The following RABGAP1 variants were observed in gnomAD, a reference collection of about 807,000 sequenced individuals.
RABGAP1 encodes RAB GTPase activating protein 1, also known as rab GTPase-activating protein 1.
RABGAP1 carries 23 observed loss-of-function variants against 137.6 expected under a neutral mutation model. The ratio of observed to expected loss-of-function variants is 0.17; its 90% CI spans 0.12 to 0.24. The LOEUF (loss-of-function observed/expected upper bound fraction) is 0.24, where lower values mean the gene tolerates loss of function less well. Among genes scored for constraint, RABGAP1 ranks in the 10% least tolerant of loss-of-function variants. RABGAP1 has a pLI of 1.00. For synonymous variants in RABGAP1, 451 were observed against 450.7 expected (o/e 1.00, Z -0.01); for missense variants, 906 against 1,275.8 (o/e 0.71, Z 4.42).
At chr9:122,963,933 T>C (rs1383877981) in intron 2 of RABGAP1, among the ~76,000 whole-genome samples, 1 of 152,164 alleles carries the variant, frequency 6.6e-6, no homozygotes, top group African/African-American at 2.4e-5. Context: ...CTGCTGATAA[T>C]ACGTAGAATT....
At chr9:123,057,158 C>T (rs1305823209) in intron 13 of RABGAP1, among the ~76,000 whole-genome samples, 2 of 150,700 alleles carry the variant, frequency 1.3e-5, no homozygotes, top group South Asian at 2.1e-4. Context: ...GGGGGCTGAC[C>T]CCCACCTCCC....
rs925343129 is a variant in RABGAP1, at chr9:123,073,407, C to T, written c.1984-145C>T. On this transcript the variant is annotated intron_variant, in intron 15 of 25. Transcript: ENST00000373647. ...AGTGAATAAATGTTTTAAACACAAC[C>T]TTAGGCCTGAGTTTCTGCATAGCAC... The T allele has an allele frequency of 9.2e-6, 9 of 975,856 alleles. No individual in the cohort carries two copies. In the African/African-American group the frequency reaches 1.5e-4, roughly 16 times the overall value. The allele number at this position is 975,856 out of a possible 1,614,324, so 60.4% of individuals were successfully genotyped here.
At chr9:122,998,900 T>A in intron 10 of RABGAP1, 134 bp downstream of exon 10, 1 of 518,778 alleles carries the variant, frequency 1.9e-6, no homozygotes. Flanking sequence ...ATTATATTTT[T>A]CATATTTACC....
chr9:123,102,858 C>T (rs1172101983), intron 25 of RABGAP1, among the ~76,000 whole-genome samples: 3 of 152,208 alleles, frequency 2.0e-5, no homozygotes, highest in Admixed American at 6.5e-5. Flanking sequence ...AAGAGGGAGA[C>T]ATAGCAAGTA....
chr9:123,101,779 C>G lies in RABGAP1; in HGVS notation c.3087+16C>G, dbSNP rs2035352844. On this transcript the variant is annotated intron_variant, in intron 25 of 25. Coordinates refer to ENST00000373647, the MANE Select transcript of RABGAP1 (RefSeq NM_012197.4). ...TAAGATACAGGTAACAGCAGCAGAG[C>G]TCAGACATGTGCCTGCGGGCTGGGT... is the stretch of plus-strand genomic sequence containing the variant. 1 of 1,568,898 alleles carries G rather than the reference C, an allele frequency of 6.4e-7. No individual in the cohort carries two copies. The highest frequency in any genetic ancestry group is 8.6e-7 in the Non-Finnish European group (1 of 1,158,190).
chr9:123,015,516 C>T (rs371873068), intron 11 of RABGAP1, 27 bp from the exon 12 acceptor site: 27 of 1,471,764 alleles, frequency 1.8e-5, no homozygotes, highest in East Asian at 1.4e-4. Flanking sequence ...TCTCTGTTAC[C>T]GTTTTTGTGT....
intron 21 of RABGAP1, among the ~76,000 whole-genome samples, chr9:123,096,405 A>G (rs1231050511): frequency 6.6e-6 from 1 of 152,132 alleles, no homozygotes; most frequent in Non-Finnish European, 1.5e-5. Flanking sequence ...GATAAAGTAG[A>G]TTTCAGGACA....
chr9:122,962,613 G>T (rs1489842404), intron 2 of RABGAP1, among the ~76,000 whole-genome samples: 1 of 151,904 alleles, frequency 6.6e-6, no homozygotes, highest in South Asian at 2.1e-4. Flanking sequence ...AATCATCAAA[G>T]AAATGTAAAT....
chr9:123,018,618 T>C (rs2031406396), intron 12 of RABGAP1, among the ~76,000 whole-genome samples: 1 of 152,260 alleles, frequency 6.6e-6, no homozygotes, highest in Non-Finnish European at 1.5e-5. Context: ...GAACTATGTC[T>C]GTTCTTTCTG....
At position 122,995,056 on chromosome 9, in the gene RABGAP1, G is replaced by T. The variant is rs1469445202; in HGVS notation, c.924-985G>T. On this transcript the variant is annotated intron_variant, in intron 6 of 25. Transcript: ENST00000373647. ...AGCTTGAGCCCAGGAGTTTGAGGCTGTAGTGAACTATGAGATTGTGCCACT... is the reference window on the plus strand; with the variant it reads ...AGCTTGAGCCCAGGAGTTTGAGGCTTTAGTGAACTATGAGATTGTGCCACT... Among the ~76,000 whole-genome samples, 3 of 152,286 alleles carry T rather than the reference G, an allele frequency of 2.0e-5. No individual in the cohort carries two copies. In the East Asian group the frequency reaches 5.8e-4, roughly 29 times the overall value.
chr9:122,968,519 G>C (rs1375675883), intron 2 of RABGAP1, among the ~76,000 whole-genome samples: 1 of 151,690 alleles, frequency 6.6e-6, no homozygotes, highest in Non-Finnish European at 1.5e-5. Flanking sequence ...AACTGTGTGT[G>C]GCACAGTTAC....
At chr9:123,008,246 T>C (rs2131865787) in intron 10 of RABGAP1, among the ~76,000 whole-genome samples, 1 of 152,154 alleles carries the variant, frequency 6.6e-6, no homozygotes, top group African/African-American at 2.4e-5. Flanking sequence ...ACCACGTTGG[T>C]TTGTTTATTT....
chr9:122,956,598 C>T (rs1312718350), intron 1 of RABGAP1, among the ~76,000 whole-genome samples: 7 of 143,526 alleles, frequency 4.9e-5, no homozygotes, highest in South Asian at 2.2e-4. Context: ...TGCAGTGAGC[C>T]GAGATCCCGC....
intron 2 of RABGAP1, among the ~76,000 whole-genome samples, chr9:122,973,249 TG>T (rs1835565058): frequency 6.6e-6 from 1 of 151,994 alleles, no homozygotes; most frequent in Non-Finnish European, 1.5e-5. Context: ...TACTTTTTTT[TG>T]CTTTTGAGAC....
intron 13 of RABGAP1, chr9:123,063,207 C>T (rs1321994797): frequency 6.6e-6 from 1 of 152,648 alleles, no homozygotes; most frequent in African/African-American, 2.4e-5. Context: ...CCTCTCCATT[C>T]TCAATTTAAT....
chr9:123,103,588 C>CATATATATATATATAT lies in RABGAP1; in HGVS notation c.*409_*424dup. The CATATATATATATATAT allele has an allele frequency of 4.0e-4, 18 of 44,960 alleles. No individual in the cohort carries two copies. The highest frequency in any genetic ancestry group is 2.2e-3 in the East Asian group (2 of 898). The allele number at this position is 44,960 out of a possible 1,614,324, so 2.8% of individuals were successfully genotyped here. On this transcript the variant is annotated 3_prime_UTR_variant, in exon 26 of 26. Transcript: ENST00000373647. ...TTCTAAACCTTTTTTTTTTAATATA[C>CATATATATATATATAT]ATATATATATATATATATATATATA... is the stretch of plus-strand genomic sequence containing the variant.
At chr9:123,036,847 A>G (rs1269133016) in intron 13 of RABGAP1, among the ~76,000 whole-genome samples, 1 of 152,096 alleles carries the variant, frequency 6.6e-6, no homozygotes, top group African/African-American at 2.4e-5. Context: ...AGTACTAGAA[A>G]AACCTATAGG....
At chr9:122,946,830 G>A (rs138241929) in intron 1 of RABGAP1, among the ~76,000 whole-genome samples, 91 of 152,218 alleles carry the variant, frequency 6.0e-4, no homozygotes, top group African/African-American at 2.2e-3. Context: ...AATTAACAGA[G>A]TTAAATGAAC....
At position 123,020,325 on chromosome 9, in the gene RABGAP1, G is replaced by A; in HGVS notation, c.1660G>A (p.Val554Met). ...LLSKWHLNLN[V>M]RPKQLSSLVR... ...TATTTTTAGGCATCTCAACTTGAAT[G>A]TGAGACCGAAGCAGTTGTCATCCTT... Residue 554 changes from valine (V) to methionine (M), a missense_variant, in exon 13 of 26, where the codon GTG (valine) becomes ATG (methionine). Coordinates refer to ENST00000373647, the MANE Select transcript of RABGAP1 (RefSeq NM_012197.4). 1 of 1,577,114 alleles carries A rather than the reference G, an allele frequency of 6.3e-7. No individual in the cohort carries two copies. Among genetic ancestry groups the A allele is most frequent in the Admixed American group, 1.8e-5 (1 of 56,364 alleles).
Sources: gnomAD v4.1 joint callset for allele counts (sites outside exome capture counted in the v4.1 genomes callset) on GRCh38, gnomAD v4.1.1 for gene constraint, MANE v1.5 for transcripts, NCBI Gene and HGNC (gene_info 2026-07-23, HGNC 2026-07-21) for gene names.